Variants in SNX10 observed in about 807,000 individuals in gnomAD.
SNX10 encodes the protein sorting nexin 10, also known as sorting nexin-10.
A neutral mutation model predicts 28.5 loss-of-function variants in SNX10; 25 were observed. That is an observed-to-expected ratio of 0.88 (90% CI 0.64 to 1.22). The LOEUF is 1.22. Among genes scored for constraint, SNX10 ranks in the 50% most tolerant of loss-of-function variants. The pLI is 0.00. For missense variants in SNX10, 223 were observed against 242.6 expected (o/e 0.92, Z 0.54); for synonymous variants, 62 against 81.4 (o/e 0.76, Z 1.28).
Position 26,327,736 on chromosome 7 carries a change from T to C in SNX10, c.-23-18684T>C, listed in dbSNP as rs1473164963. On this transcript the variant is annotated intron_variant, in intron 1 of 6. Transcript: ENST00000338523. ...TTCATGCATTCTTTTCTTTTTTTTT[T>C]TTTTTTTTTTTGAGATGGTGTCTCG... is the stretch of plus-strand genomic sequence containing the variant. 2.6e-4 allele frequency among the ~76,000 whole-genome samples: 37 copies of C among 141,526 alleles called. No individual in the cohort carries two copies. In the South Asian group the frequency reaches 8.2e-3, roughly 31 times the overall value. The allele number at this position is 141,526 out of a possible 152,430, so 92.8% of individuals were successfully genotyped here.
At position 26,312,778 on chromosome 7, in the gene SNX10, C is replaced by T. The variant is rs371143836; in HGVS notation, c.-24+20692C>T. Among the ~76,000 whole-genome samples, 26 of 151,552 alleles carry T rather than the reference C, an allele frequency of 1.7e-4. 1 individual carries two copies. The highest frequency in any genetic ancestry group is 1.4e-3 in the East Asian group (7 of 5,172). ...CAGCCTGGGTGACAGAGTGAGACTC[C>T]GTCTCAAAAAAAAGAAAATAGTGGC... On this transcript the variant is annotated intron_variant, in intron 1 of 6. Coordinates refer to ENST00000338523, the MANE Select transcript of SNX10 (RefSeq NM_013322.3).
At chr7:26,350,099 C>T (rs1315836962) in intron 2 of SNX10, among the ~76,000 whole-genome samples, 1 of 152,200 alleles carries the variant, frequency 6.6e-6, no homozygotes, top group Admixed American at 6.5e-5. Flanking sequence ...CCCCTGCTCT[C>T]CTGGATCATG....
Position 26,364,330 on chromosome 7 carries a change from T to C in SNX10, c.112-205T>C. On this transcript the variant is annotated intron_variant, in intron 3 of 6. Transcript: ENST00000338523. This position sits in a 1 kb window ranked among gnomAD's most constrained non-coding sequence, Gnocchi z 4.9. ...ATACCTCACCCTGGGGCAACACTGC[T>C]TATTTCCATCATCCTGGCTGTCTTC... 1.5e-6 allele frequency: 2 copies of C among 1,293,210 alleles called. No individual in the cohort carries two copies. The highest frequency in any genetic ancestry group is 2.0e-6 in the Non-Finnish European group (2 of 1,020,076). The allele number at this position is 1,293,210 out of a possible 1,614,324, so 80.1% of individuals were successfully genotyped here. A position where few individuals can be genotyped will look rare whatever the true frequency, so the allele number is the denominator to read the frequency against.
At chr7:26,320,644 G>C (rs1787276339) in intron 1 of SNX10, among the ~76,000 whole-genome samples, 1 of 151,940 alleles carries the variant, frequency 6.6e-6, no homozygotes, top group African/African-American at 2.4e-5. Flanking sequence ...ATATTGGCCA[G>C]GCTGGTCTTG....
intron 1 of SNX10, among the ~76,000 whole-genome samples, chr7:26,308,974 A>G (rs147606820): frequency 6.6e-6 from 1 of 152,300 alleles, no homozygotes; most frequent in Non-Finnish European, 1.5e-5. Flanking sequence ...GCAATCTTCT[A>G]TGTTGATCGA....
At chr7:26,328,977 C>T (rs1052110320) in intron 1 of SNX10, among the ~76,000 whole-genome samples, 10 of 152,204 alleles carry the variant, frequency 6.6e-5, no homozygotes, top group Admixed American at 5.2e-4. Flanking sequence ...GCTTCTCAGT[C>T]TGGACCACCA....
intron 1 of SNX10, among the ~76,000 whole-genome samples, chr7:26,323,386 C>T (rs1194049378): frequency 6.6e-6 from 1 of 152,062 alleles, no homozygotes; most frequent in Non-Finnish European, 1.5e-5. Context: ...AAAAAACAGT[C>T]TAGGGAAAAA....
At chr7:26,343,740 G>A (rs766421689) in intron 1 of SNX10, among the ~76,000 whole-genome samples, 1 of 152,162 alleles carries the variant, frequency 6.6e-6, no homozygotes, top group African/African-American at 2.4e-5. Flanking sequence ...GGAACCCACC[G>A]GCTAACTTGG....
intron 1 of SNX10, among the ~76,000 whole-genome samples, chr7:26,342,307 G>A (rs367594737): frequency 2.6e-5 from 4 of 152,112 alleles, no homozygotes; most frequent in Admixed American, 6.5e-5. Flanking sequence ...GATTACAGGC[G>A]TGAGCCACTG....
intron 1 of SNX10, among the ~76,000 whole-genome samples, chr7:26,304,843 T>C (rs761979294): frequency 6.6e-6 from 1 of 152,188 alleles, no homozygotes; most frequent in African/African-American, 2.4e-5. Context: ...AACCCCGGTG[T>C]CATCTTTTAA....
intron 2 of SNX10, among the ~76,000 whole-genome samples, chr7:26,355,702 GA>G (rs575432628): frequency 2.6e-5 from 4 of 152,120 alleles, no homozygotes; most frequent in African/African-American, 9.7e-5. Context: ...AATAAAAGCA[GA>G]AAAAACTTCC....
At chr7:26,357,960 G>C (rs73068476) in intron 2 of SNX10, among the ~76,000 whole-genome samples, 26,450 of 152,032 alleles carry the variant, frequency 0.17, 2,554 homozygotes, top group South Asian at 0.37. Context: ...TCAGCTCATG[G>C]GAGGGGGTTG....
chr7:26,306,139 A>G (rs1786584154), intron 1 of SNX10, among the ~76,000 whole-genome samples: 1 of 151,900 alleles, frequency 6.6e-6, no homozygotes, highest in African/African-American at 2.4e-5. Context: ...CCTGAGCTGA[A>G]GCGATCCACC....
rs70943293 is a variant in SNX10, at chr7:26,327,726, CTTTTT to C, written c.-23-18677_-23-18673del. 4.3e-3 allele frequency among the ~76,000 whole-genome samples: 387 copies of C among 89,094 alleles called. 1 individual carries two copies. The highest frequency in any genetic ancestry group is 0.016 in the African/African-American group (370 of 23,320). The allele number at this position is 89,094 out of a possible 152,430, so 58.4% of individuals were successfully genotyped here. On this transcript the variant is annotated intron_variant, in intron 1 of 6. Transcript: ENST00000338523. Reference sequence around the variant, plus strand: ...ATTGTATTCATTCATGCATTCTTTTCTTTTTTTTTTTTTTTTTTTTTGAGATGGTG... The same window carrying C: ...ATTGTATTCATTCATGCATTCTTTTCTTTTTTTTTTTTTTTTGAGATGGTG...
chr7:26,332,155 C>G (rs1787772794), intron 1 of SNX10, among the ~76,000 whole-genome samples: 1 of 152,180 alleles, frequency 6.6e-6, no homozygotes, highest in South Asian at 2.1e-4. Context: ...CTTCAAGAAA[C>G]TGCCAGACTT....
chr7:26,341,507 T>C lies in SNX10; in HGVS notation c.-23-4913T>C, dbSNP rs1788177071. Reference sequence around the variant, plus strand: ...AAGAATTCTCTATGTGCATTTTTTTTTTTTTGAGATGGAGTCTCGCTCTGT... The same window carrying C: ...AAGAATTCTCTATGTGCATTTTTTTCTTTTTGAGATGGAGTCTCGCTCTGT... On this transcript the variant is annotated intron_variant, in intron 1 of 6. Transcript: ENST00000338523. Among the ~76,000 whole-genome samples, 3 of 151,678 alleles carry C rather than the reference T, an allele frequency of 2.0e-5. No individual in the cohort carries two copies. The South Asian group carries it at 6.2e-4, about 32-fold the overall frequency.
chr7:26,373,203 A>C lies in SNX10; in HGVS notation c.*631A>C, dbSNP rs989768763. On this transcript the variant is annotated 3_prime_UTR_variant, in exon 7 of 7. Coordinates refer to ENST00000338523, the MANE Select transcript of SNX10 (RefSeq NM_013322.3). The surrounding 1 kb of genome is among the most constrained non-coding windows in gnomAD (Gnocchi z 4.2). ...AAAATAATGTTTACATCTTAGAAAA[A>C]ACATAGATAGTGCTAGTAATATTAC... 6.6e-6 allele frequency: 1 copy of C among 152,158 alleles called. No homozygotes were observed. The highest frequency in any genetic ancestry group is 2.4e-5 in the African/African-American group (1 of 41,460). 9.4% of individuals were successfully genotyped at this position (152,158 alleles called of 1,614,324 possible). A position where few individuals can be genotyped will look rare whatever the true frequency, so the allele number is the denominator to read the frequency against.
At chr7:26,334,383 A>G (rs754080252) in intron 1 of SNX10, among the ~76,000 whole-genome samples, 15 of 152,068 alleles carry the variant, frequency 9.9e-5, no homozygotes, top group Non-Finnish European at 2.2e-4. Flanking sequence ...CTCATATGTA[A>G]TTTTTCACAG....
chr7:26,364,677 T>G lies in SNX10; in HGVS notation c.212+42T>G. On this transcript the variant is annotated intron_variant, in intron 4 of 6. Transcript: ENST00000338523. This position sits in a 1 kb window ranked among gnomAD's most constrained non-coding sequence, Gnocchi z 4.9. ...ATACTGTGGAGACTTTGTCATTATA[T>G]TCAGTATTTAAAATTGACGTTCATT... 1 of 1,391,390 alleles carries G rather than the reference T, an allele frequency of 7.2e-7. No individual in the cohort carries two copies. The highest frequency in any genetic ancestry group is 1.2e-5 in the South Asian group (1 of 81,402). The allele number at this position is 1,391,390 out of a possible 1,614,324, so 86.2% of individuals were successfully genotyped here.
Sources: gnomAD v4.1 joint callset for allele counts (sites outside exome capture counted in the v4.1 genomes callset) on GRCh38, gnomAD v4.1.1 for gene constraint, Gnocchi (gnomAD v3.1) non-coding constraint, MANE v1.5 for transcripts, NCBI Gene and HGNC (gene_info 2026-07-23, HGNC 2026-07-21) for gene names.